The following PAPPA variants were observed in gnomAD, a reference collection of about 807,000 sequenced individuals.
PAPPA encodes pappalysin 1.
PAPPA carries 60 observed loss-of-function variants against 164.0 expected under a neutral mutation model. The ratio of observed to expected loss-of-function variants is 0.37; its 90% confidence interval spans 0.30 to 0.45. The LOEUF (loss-of-function observed/expected upper bound fraction) is 0.45, where lower values mean the gene tolerates loss of function less well. Among genes scored for constraint, PAPPA ranks in the 20% least tolerant of loss-of-function variants. The pLI is 1.00. For missense variants in PAPPA, 1,782 were observed against 2,087.3 expected (o/e 0.85, Z 2.85); for synonymous variants, 875 against 814.1 (o/e 1.07, Z -1.27).
intron 10 of PAPPA, 49 bp downstream of exon 10, chr9:116,302,999 C>T (rs760384460): frequency 4.5e-5 from 68 of 1,521,486 alleles, no homozygotes; most frequent in Non-Finnish European, 5.6e-5. Context: ...TCAAAGTCTC[C>T]GCTATGCCCC....
intron 7 of PAPPA, among the ~76,000 whole-genome samples, chr9:116,262,217 A>T (rs1845011374): frequency 7.2e-6 from 1 of 138,062 alleles, no homozygotes; most frequent in African/African-American, 2.7e-5. Flanking sequence ...AAAAAAAAAA[A>T]TCGCAAAGAT....
chr9:116,276,544 C>T (rs1226141840), intron 9 of PAPPA, among the ~76,000 whole-genome samples: 2 of 152,174 alleles, frequency 1.3e-5, no homozygotes, highest in Non-Finnish European at 2.9e-5. Context: ...AAGCTTCTTC[C>T]CTCATCTGAT....
At chr9:116,331,480 A>G in intron 11 of PAPPA, 123 bp downstream of exon 11, 1 of 649,026 alleles carries the variant, frequency 1.5e-6, no homozygotes, top group Non-Finnish European at 2.8e-6. Flanking sequence ...AAGAACAGGG[A>G]ACAAAACACT....
chr9:116,365,423 C>T (rs1846487187), intron 18 of PAPPA, among the ~76,000 whole-genome samples: 2 of 152,096 alleles, frequency 1.3e-5, no homozygotes, highest in African/African-American at 4.8e-5. Context: ...TATCACAACA[C>T]AGCAGCCTGG....
intron 9 of PAPPA, among the ~76,000 whole-genome samples, chr9:116,275,719 A>G (rs1414564100): frequency 6.8e-6 from 1 of 147,108 alleles, no homozygotes; most frequent in Admixed American, 6.8e-5. Context: ...CTCTTCCTCC[A>G]CCTCTTCTAC....
chr9:116,373,353 C>T (rs1012023304), intron 19 of PAPPA: 1 of 152,050 alleles, frequency 6.6e-6, no homozygotes, highest in Non-Finnish European at 1.5e-5. Context: ...TGGGAAATGC[C>T]TAGGCTTTTA....
chr9:116,341,140 A>C (rs1388077967), intron 13 of PAPPA, among the ~76,000 whole-genome samples: 1 of 152,004 alleles, frequency 6.6e-6, no homozygotes. Context: ...CTCCAGATTC[A>C]AGTGATTCTT....
At chr9:116,261,537 C>T (rs1169770110) in intron 7 of PAPPA, among the ~76,000 whole-genome samples, 2 of 152,120 alleles carry the variant, frequency 1.3e-5, no homozygotes, top group Non-Finnish European at 2.9e-5. Context: ...GACTTGTCTA[C>T]AGATTTCAGA....
chr9:116,220,067 C>T lies in PAPPA; in HGVS notation c.2049C>T (p.Gly683=). ...TTGCCCTCGCCCCCCAAGTTCTGGG[C>T]CACACAACGGACTCTGTGACACTGG... The part of the protein sequence containing the change: ...APVALAPQVL[G]HTTDSVTLEW... The change falls in exon 5 of 22, where the codon GGC becomes GGT. Residue 683 remains glycine (G), a synonymous_variant. Coordinates refer to ENST00000328252, the MANE Select transcript of PAPPA (RefSeq NM_002581.5). 1 of 1,614,112 alleles carries T rather than the reference C, an allele frequency of 6.2e-7. No homozygotes were observed. Among genetic ancestry groups the T allele is most frequent in the Non-Finnish European group, 8.5e-7 (1 of 1,180,006 alleles).
At chr9:116,328,633 GA>G (rs1845950211) in intron 10 of PAPPA, among the ~76,000 whole-genome samples, 1 of 152,208 alleles carries the variant, frequency 6.6e-6, no homozygotes, top group African/African-American at 2.4e-5. Flanking sequence ...TTAAAGCAAT[GA>G]AACTCTTTTC....
chr9:116,220,389 T>A (rs1285604860), intron 5 of PAPPA, among the ~76,000 whole-genome samples: 6 of 151,826 alleles, frequency 4.0e-5, no homozygotes, highest in Non-Finnish European at 7.4e-5. Context: ...CTTGGAAACC[T>A]CTTTTGCTAC....
chr9:116,203,167 A>G (rs887704122), intron 2 of PAPPA, among the ~76,000 whole-genome samples: 2 of 152,204 alleles, frequency 1.3e-5, no homozygotes, highest in Non-Finnish European at 1.5e-5. Context: ...GGAAGAAATG[A>G]CTTTACTTAT....
rs57871796 is a variant in PAPPA, at chr9:116,314,060, CTTT to C, written c.3147+11138_3147+11140del. Among the ~76,000 whole-genome samples the C allele has an allele frequency of 1.1e-3, 75 of 69,718 alleles. 3 individuals carry two copies. The highest frequency in any genetic ancestry group is 3.6e-3 in the African/African-American group (72 of 20,158). The allele number at this position is 69,718 out of a possible 152,430, so 45.7% of individuals were successfully genotyped here. The stretch of plus-strand genomic sequence containing the variant: ...ATTCAGTTCTGTCATTGCATCGAAT[CTTT>C]TTTTTTTTTTTTTTTTTTTTTTTTT... On this transcript the variant is annotated intron_variant, in intron 10 of 21. Transcript: ENST00000328252.
At chr9:116,275,439 G>A (rs928570203) in intron 9 of PAPPA, among the ~76,000 whole-genome samples, 2 of 152,092 alleles carry the variant, frequency 1.3e-5, no homozygotes, top group East Asian at 1.9e-4. Flanking sequence ...TCTTGTTTCC[G>A]TATGTGAGAT....
At chr9:116,177,786 T>G (rs924660090) in intron 1 of PAPPA, among the ~76,000 whole-genome samples, 2 of 152,154 alleles carry the variant, frequency 1.3e-5, no homozygotes, top group Admixed American at 1.3e-4. Context: ...TCCACCAGGA[T>G]CTGGTTTGTG....
chr9:116,243,842 A>G (rs919487370), intron 7 of PAPPA, among the ~76,000 whole-genome samples: 1 of 152,052 alleles, frequency 6.6e-6, no homozygotes, highest in African/African-American at 2.4e-5. Flanking sequence ...TTCAGGCTGG[A>G]CCCCTTCCTG....
chr9:116,338,740 C>A (rs1488912218), intron 13 of PAPPA, among the ~76,000 whole-genome samples: 1 of 152,222 alleles, frequency 6.6e-6, no homozygotes, highest in Admixed American at 6.5e-5. Flanking sequence ...TTTGACTATG[C>A]CAAATACTGC....
At chr9:116,202,171 C>T (rs1455643719) in intron 2 of PAPPA, among the ~76,000 whole-genome samples, 3 of 152,152 alleles carry the variant, frequency 2.0e-5, no homozygotes, top group Non-Finnish European at 4.4e-5. Context: ...CAGGCCTTCT[C>T]ACACTTTTTT....
At chr9:116,195,670 A>C (rs1336905201) in intron 2 of PAPPA, among the ~76,000 whole-genome samples, 1 of 152,180 alleles carries the variant, frequency 6.6e-6, no homozygotes, top group Non-Finnish European at 1.5e-5. Context: ...GAAGTCTGAA[A>C]ATAGCAGTTG....
Sources: allele counts gnomAD v4.1 joint callset (sites outside exome capture counted in the v4.1 genomes callset), GRCh38; gene constraint gnomAD v4.1.1; transcripts MANE v1.5; gene names NCBI Gene and HGNC (gene_info 2026-07-23, HGNC 2026-07-21).